The following MCM9 variants were observed in gnomAD, a reference collection of about 807,000 sequenced individuals.
The protein encoded by MCM9 is DNA helicase MCM9.
A neutral mutation model predicts 72.8 loss-of-function variants in MCM9; 55 were observed. That is an observed-to-expected ratio of 0.76 (90% confidence interval 0.61 to 0.95). The LOEUF (loss-of-function observed/expected upper bound fraction) is 0.95, where lower values mean the gene tolerates loss of function less well. Among genes scored for constraint, MCM9 ranks in the 40% least tolerant of loss-of-function variants. The probability of loss-of-function intolerance (pLI) is 0.00; values close to 1 mark genes in which losing one functional copy is unlikely to be tolerated. For missense variants in MCM9, 1,279 were observed against 1,377.0 expected (o/e 0.93, Z 1.13); for synonymous variants, 480 against 503.4 (o/e 0.95, Z 0.62).
chr6:118,876,949 TTGACCCATACAGTATGG>T (rs1055652976), intron 8 of MCM9, among the ~76,000 whole-genome samples: 8 of 152,196 alleles, frequency 5.3e-5, no homozygotes, highest in African/African-American at 1.9e-4. Context: ...TGTGACTGCC[TTGACCCATACAGTATGG>T]TGAAAACAAT....
chr6:118,933,206 A>C (rs2114475517), intron 1 of MCM9, among the ~76,000 whole-genome samples: 1 of 151,930 alleles, frequency 6.6e-6, no homozygotes, highest in Non-Finnish European at 1.5e-5. Flanking sequence ...CAAATAAGAA[A>C]CACTTATTTG....
At chr6:118,877,605 C>T (rs780570174) in intron 8 of MCM9, among the ~76,000 whole-genome samples, 7 of 152,252 alleles carry the variant, frequency 4.6e-5, no homozygotes, top group African/African-American at 4.8e-5. Flanking sequence ...GGAATAATAA[C>T]GGATACAACT....
chr6:118,913,115 T>C, intron 7 of MCM9, 180 bp downstream of exon 7: 2 of 653,226 alleles, frequency 3.1e-6, no homozygotes, highest in Non-Finnish European at 4.9e-6. Context: ...TCTGGAACTC[T>C]AGAAAGTAGC....
intron 9 of MCM9, among the ~76,000 whole-genome samples, chr6:118,842,181 G>A (rs1292645610): frequency 1.3e-5 from 2 of 152,128 alleles, no homozygotes; most frequent in African/African-American, 2.4e-5. Context: ...CTAGGCATGT[G>A]AGTATAATTC....
At chr6:118,916,472 A>ATTATTATT (rs1237431915) in intron 6 of MCM9, among the ~76,000 whole-genome samples, 2 of 141,186 alleles carry the variant, frequency 1.4e-5, no homozygotes, top group Non-Finnish European at 3.1e-5. Flanking sequence ...TATTATTATT[A>ATTATTATT]TTATGAGACA....
rs150331979 is a variant in MCM9 at position 118,845,782 on chromosome 6, C to G, written c.1325+10589G>C. On this transcript the variant is annotated intron_variant, in intron 9 of 13. Coordinates refer to ENST00000619706, the MANE Select transcript of MCM9 (RefSeq NM_017696.3). ...GGTTATCTATTTACTCACTGGATAACTGAATTTTTTATAGAAATTTTTTCT... is the reference window on the plus strand; with the variant it reads ...GGTTATCTATTTACTCACTGGATAAGTGAATTTTTTATAGAAATTTTTTCT... 3.9e-3 allele frequency among the ~76,000 whole-genome samples: 598 copies of G among 151,930 alleles called. 25 individuals carry two copies. Among genetic ancestry groups the G allele is most frequent in the African/African-American group, 0.014 (571 of 41,220 alleles).
chr6:118,856,679 G>T, intron 8 of MCM9, 134 bp from the exon 9 acceptor site: 1 of 915,614 alleles, frequency 1.1e-6, no homozygotes, highest in Non-Finnish European at 1.6e-6. Context: ...AGGAGTTCGA[G>T]GCCTGCCTGG....
At chr6:118,869,448 T>C (rs1424799347) in intron 8 of MCM9, among the ~76,000 whole-genome samples, 2 of 151,746 alleles carry the variant, frequency 1.3e-5, no homozygotes, top group Non-Finnish European at 2.9e-5. Flanking sequence ...TAAAATGGCC[T>C]ATTGTAAGTA....
chr6:118,880,955 CTACACA>C (rs1778248258), intron 8 of MCM9, among the ~76,000 whole-genome samples: 1 of 152,168 alleles, frequency 6.6e-6, no homozygotes. Context: ...TATGTTTTTC[CTACACA>C]TACAAACCTA....
rs1382488326 is a variant in MCM9 at position 118,815,552 on chromosome 6, C to A, written c.2704G>T (p.Val902Leu). The change falls in exon 14 of 14, where the codon GTG (valine) becomes TTG (leucine). Residue 902 changes from valine (V) to leucine (L), a missense_variant. Physicochemically the swap from Val to Leu is conservative, Grantham distance 32. Coordinates refer to ENST00000619706, the MANE Select transcript of MCM9 (RefSeq NM_017696.3). ...KRKRPKSLAQVEEPAIENVKP... is the reference protein window; with the variant it reads ...KRKRPKSLAQLEEPAIENVKP... ...ACATTTTCAATTGCAGGCTCTTCCACTTGCGCAAGGGATTTCGGTCTCTTT... is the reference window on the plus strand; with the variant it reads ...ACATTTTCAATTGCAGGCTCTTCCAATTGCGCAAGGGATTTCGGTCTCTTT... 4.5e-6 allele frequency: 7 copies of A among 1,549,962 alleles called. No homozygotes were observed. The South Asian group carries it at 8.3e-5, about 18-fold the overall frequency.
intron 8 of MCM9, among the ~76,000 whole-genome samples, chr6:118,879,905 G>A (rs183196256): frequency 9.2e-5 from 14 of 151,838 alleles, no homozygotes; most frequent in African/African-American, 1.9e-4. Flanking sequence ...TTAACCAGGC[G>A]TGGTGGTGGG....
chr6:118,841,709 T>C (rs1775380066), intron 9 of MCM9, among the ~76,000 whole-genome samples: 1 of 152,258 alleles, frequency 6.6e-6, no homozygotes, highest in Admixed American at 6.5e-5. Context: ...TGTTACACGG[T>C]TGTGAATGTC....
chr6:118,865,832 G>C (rs1385710309), intron 8 of MCM9, among the ~76,000 whole-genome samples: 3 of 128,652 alleles, frequency 2.3e-5, no homozygotes, highest in African/African-American at 8.1e-5. Context: ...TTGCATTCTT[G>C]AGTGGTCCTA....
intron 8 of MCM9, among the ~76,000 whole-genome samples, chr6:118,885,078 C>T (rs1562422957): frequency 6.6e-6 from 1 of 152,012 alleles, no homozygotes. Context: ...CGCCTGTAGT[C>T]CCAGCTACTC....
chr6:118,919,017 T>C, intron 5 of MCM9: 1 of 152,200 alleles, frequency 6.6e-6, no homozygotes, highest in Admixed American at 6.5e-5. Flanking sequence ...ACTTAATGAT[T>C]TTCAAACCCA....
intron 8 of MCM9, among the ~76,000 whole-genome samples, chr6:118,906,206 G>A (rs1780167506): frequency 6.6e-6 from 1 of 152,138 alleles, no homozygotes. Context: ...CCAAGTAGCT[G>A]GGACTACAGG....
chr6:118,841,707 G>A (rs954204519), intron 9 of MCM9, among the ~76,000 whole-genome samples: 1 of 152,158 alleles, frequency 6.6e-6, no homozygotes, highest in African/African-American at 2.4e-5. Context: ...CTTGTTACAC[G>A]GTTGTGAATG....
At chr6:118,925,722 C>T (rs1299752238) in intron 3 of MCM9, among the ~76,000 whole-genome samples, 2 of 152,094 alleles carry the variant, frequency 1.3e-5, no homozygotes, top group East Asian at 3.9e-4. Flanking sequence ...CAGATTGCAT[C>T]ACATTTTGCC....
intron 8 of MCM9, among the ~76,000 whole-genome samples, chr6:118,867,322 G>A (rs922955316): frequency 3.3e-5 from 5 of 152,146 alleles, no homozygotes; most frequent in Admixed American, 6.6e-5. Flanking sequence ...CCTAGTGATG[G>A]TGATGTCCAT....
Sources: allele counts gnomAD v4.1 joint callset (sites outside exome capture counted in the v4.1 genomes callset), GRCh38; gene constraint gnomAD v4.1.1; transcripts MANE v1.5; gene names NCBI Gene and HGNC (gene_info 2026-07-23, HGNC 2026-07-21).